Variants in AP3B1 observed in about 807,000 individuals in gnomAD.
AP3B1 encodes the protein adaptor related protein complex 3 subunit beta 1.
A neutral mutation model predicts 132.5 loss-of-function variants in AP3B1; 61 were observed. The observed-to-expected ratio is 0.46, with a 90% CI of 0.37 to 0.57. The LOEUF is 0.57. Among genes scored for constraint, AP3B1 ranks in the 20% least tolerant of loss-of-function variants. The probability of loss-of-function intolerance (pLI) is 0.00; values close to 1 mark genes in which losing one functional copy is unlikely to be tolerated. For missense variants in AP3B1, 1,120 were observed against 1,289.4 expected (o/e 0.87, Z 2.01); for synonymous variants, 388 against 438.3 (o/e 0.89, Z 1.43).
chr5:78,268,166 A>G (rs962608863), intron 1 of AP3B1, among the ~76,000 whole-genome samples: 1 of 152,230 alleles, frequency 6.6e-6, no homozygotes, highest in African/African-American at 2.4e-5. Context: ...ACTACTACAC[A>G]TACTATAAAT....
intron 14 of AP3B1, among the ~76,000 whole-genome samples, chr5:78,142,976 T>A (rs989844046): frequency 6.6e-6 from 1 of 152,260 alleles, no homozygotes; most frequent in East Asian, 1.9e-4. Flanking sequence ...AGTAATTGAG[T>A]GGTACATTAA....
chr5:78,081,116 T>C (rs1749981215), intron 22 of AP3B1, among the ~76,000 whole-genome samples: 1 of 152,092 alleles, frequency 6.6e-6, no homozygotes, highest in South Asian at 2.1e-4. Flanking sequence ...CAATAACCAA[T>C]TCCCTAGTCT....
intron 22 of AP3B1, among the ~76,000 whole-genome samples, chr5:78,087,984 G>A (rs1419238335): frequency 6.6e-6 from 1 of 152,192 alleles, no homozygotes; most frequent in African/African-American, 2.4e-5. Context: ...AGGTGTAAAA[G>A]TACCAATTTG....
At chr5:78,036,949 C>A (rs1477965018) in intron 23 of AP3B1, among the ~76,000 whole-genome samples, 1 of 152,076 alleles carries the variant, frequency 6.6e-6, no homozygotes, top group Non-Finnish European at 1.5e-5. Context: ...GTGTTACATA[C>A]AAGTACATAC....
At chr5:78,001,787 TC>T (rs1367798311), downstream of AP3B1, 1 of 152,204 alleles carries the variant, frequency 6.6e-6, no homozygotes, top group Non-Finnish European at 1.5e-5. Flanking sequence ...TACCTGAAAG[TC>T]CATTACCTTG....
chr5:78,191,353 C>CAAAAAA (rs1744819818), intron 7 of AP3B1, among the ~76,000 whole-genome samples: 1 of 103,990 alleles, frequency 9.6e-6, no homozygotes, highest in African/African-American at 5.5e-5. Flanking sequence ...TTGCTTTTCC[C>CAAAAAA]CAAAAAAAAA....
intron 1 of AP3B1, among the ~76,000 whole-genome samples, chr5:78,283,612 A>G (rs1749149539): frequency 6.6e-6 from 1 of 152,196 alleles, no homozygotes; most frequent in East Asian, 1.9e-4. Context: ...CTACATCACC[A>G]GCCCAGGTAG....
chr5:78,002,488 A>G lies in AP3B1; in HGVS notation c.*414T>C. 1 of 441,708 alleles carries G rather than the reference A, an allele frequency of 2.3e-6. No homozygotes were observed. Among genetic ancestry groups the G allele is most frequent in the South Asian group, 7.8e-5 (1 of 12,866 alleles). 27.4% of individuals were successfully genotyped at this position (441,708 alleles called of 1,614,324 possible). On this transcript the variant is annotated 3_prime_UTR_variant, in exon 27 of 27. Transcript: ENST00000255194. ...AAAGTATGTGATCTCATTTTCACAT[A>G]CCAAGCTGAGAGGCCATTTAGACTA...
At position 78,117,096 on chromosome 5, in the gene AP3B1, C is replaced by T. The variant is rs1751875337; in HGVS notation, c.1969-862G>A. Among the ~76,000 whole-genome samples, 4 of 152,084 alleles carry T rather than the reference C, an allele frequency of 2.6e-5. No individual in the cohort carries two copies. In the South Asian group the frequency reaches 8.3e-4, roughly 32 times the overall value. ...GCTCTGGCCATGCCTTACTGTTCCT[C>T]CAAACGTCCCAGGCATGCTCCCAGT... is the stretch of plus-strand genomic sequence containing the variant. On this transcript the variant is annotated intron_variant, in intron 17 of 26. Transcript: ENST00000255194.
chr5:78,123,708 G>A (rs1409758917), intron 17 of AP3B1, among the ~76,000 whole-genome samples: 1 of 151,980 alleles, frequency 6.6e-6, no homozygotes, highest in East Asian at 1.9e-4. Flanking sequence ...ACAGGTGCTG[G>A]AGAGGATGTG....
chr5:78,081,300 ATTTTTTTTTTT>A (rs560113962), intron 22 of AP3B1, among the ~76,000 whole-genome samples: 12 of 100,862 alleles, frequency 1.2e-4, no homozygotes, highest in Admixed American at 6.6e-4. Context: ...GCATTACTTC[ATTTTTTTTTTT>A]TTTTTTTTTT....
At chr5:78,068,324 AAAG>A (rs991465661) in intron 22 of AP3B1, among the ~76,000 whole-genome samples, 14 of 151,802 alleles carry the variant, frequency 9.2e-5, no homozygotes, top group African/African-American at 1.5e-4. Flanking sequence ...ATTCCATCTA[AAAG>A]AAGAAGAAGA....
intron 14 of AP3B1, among the ~76,000 whole-genome samples, chr5:78,149,429 G>A (rs1753550601): frequency 6.6e-6 from 1 of 152,094 alleles, no homozygotes; most frequent in South Asian, 2.1e-4. Context: ...ACTTAGAATA[G>A]TGCCTGGCAA....
chr5:78,238,249 C>T (rs1421926071), intron 3 of AP3B1, among the ~76,000 whole-genome samples: 1 of 152,246 alleles, frequency 6.6e-6, no homozygotes, highest in Admixed American at 6.5e-5. Context: ...GAATCTAACG[C>T]CTGATGATCT....
intron 2 of AP3B1, among the ~76,000 whole-genome samples, chr5:78,263,136 C>A (rs1421874328): frequency 6.6e-6 from 1 of 152,112 alleles, no homozygotes; most frequent in Non-Finnish European, 1.5e-5. Context: ...TATTAGTCTT[C>A]CAACCCAGAA....
At chr5:78,013,558 C>T (rs947084095) in intron 26 of AP3B1, among the ~76,000 whole-genome samples, 2 of 152,122 alleles carry the variant, frequency 1.3e-5, no homozygotes, top group African/African-American at 4.8e-5. Context: ...AGAAGTTATA[C>T]TTGATAATAC....
chr5:78,173,038 C>G (rs185913931), intron 11 of AP3B1, among the ~76,000 whole-genome samples: 67 of 152,306 alleles, frequency 4.4e-4, no homozygotes, highest in Admixed American at 5.9e-4. Context: ...CATTCAGGAA[C>G]AGGTTGTTCA....
intron 15 of AP3B1, among the ~76,000 whole-genome samples, chr5:78,138,737 C>T (rs1010648070): frequency 1.3e-5 from 2 of 151,472 alleles, no homozygotes; most frequent in Admixed American, 6.6e-5. Flanking sequence ...TTTGGGAGGC[C>T]GAGGTGAGCA....
chr5:78,164,772 A>G (rs1434909891), intron 12 of AP3B1, among the ~76,000 whole-genome samples: 1 of 152,156 alleles, frequency 6.6e-6, no homozygotes, highest in Non-Finnish European at 1.5e-5. Flanking sequence ...TAAAAAGTTT[A>G]AAAATCACAT....
Sources: allele counts gnomAD v4.1 joint callset (sites outside exome capture counted in the v4.1 genomes callset), GRCh38; gene constraint gnomAD v4.1.1; transcripts MANE v1.5; gene names NCBI Gene and HGNC (gene_info 2026-07-23, HGNC 2026-07-21).